APMAP: variants seen among roughly 807,000 people sequenced by gnomAD.
APMAP encodes the protein adipocyte plasma membrane-associated protein.
Under a neutral mutation model 43.6 loss-of-function variants are expected in APMAP, and 33 were observed. The observed-to-expected ratio is 0.76, with a 90% CI of 0.57 to 1.01. The LOEUF (loss-of-function observed/expected upper bound fraction) is 1.01. Ranked by LOEUF, APMAP falls within the 50% of genes least tolerant of loss-of-function variation. The pLI is 0.00. For missense variants in APMAP, 498 were observed against 540.7 expected, an observed-to-expected ratio of 0.92 and a Z score of 0.78; for synonymous variants, 224 against 216.7, an observed-to-expected ratio of 1.03 and a Z score of -0.30.
At chr20:24,976,554 G>A (rs767779103) in intron 3 of APMAP, among the ~76,000 whole-genome samples, 2 of 152,340 alleles carry the variant, frequency 1.3e-5, no homozygotes, top group South Asian at 2.1e-4. Flanking sequence ...TGCTGGCGAG[G>A]ACATGGAGCA....
chr20:24,972,367 G>C (rs1439433087), intron 4 of APMAP, among the ~76,000 whole-genome samples: 1 of 147,740 alleles, frequency 6.8e-6, no homozygotes, highest in Middle Eastern at 3.5e-3. Context: ...TTATTGCAGG[G>C]TGTTCACTGT....
At chr20:24,991,722 G>C (rs558079797) in intron 1 of APMAP, among the ~76,000 whole-genome samples, 1 of 152,188 alleles carries the variant, frequency 6.6e-6, no homozygotes, top group East Asian at 1.9e-4. Context: ...TTGGTCTATG[G>C]GGCCTCTTGA....
At chr20:24,964,946 G>A (rs987416849) in intron 8 of APMAP, among the ~76,000 whole-genome samples, 2 of 152,098 alleles carry the variant, frequency 1.3e-5, no homozygotes, top group Non-Finnish European at 2.9e-5. Flanking sequence ...CACTACCTAG[G>A]AAATGCCATC....
chr20:24,981,518 T>C (rs1319565302), intron 2 of APMAP, among the ~76,000 whole-genome samples: 1 of 152,200 alleles, frequency 6.6e-6, no homozygotes, highest in Admixed American at 6.5e-5. Flanking sequence ...CACTGCTCTC[T>C]CCCTCCCCAG....
Position 24,963,151 on chromosome 20 carries a change from C to T in APMAP, c.*662G>A, listed in dbSNP as rs2087911235. The T allele has an allele frequency of 6.6e-6, 1 of 152,432 alleles. No homozygotes were observed. Among genetic ancestry groups the T allele is most frequent in the Admixed American group, 6.5e-5 (1 of 15,292 alleles). The allele number at this position is 152,432 out of a possible 1,614,324, so 9.4% of individuals were successfully genotyped here. ...TGCAGTAGGTCCCGAATTGCAGAATCATCCAATTCCAGCATGGTCAGCACG... is the reference window on the plus strand; with the variant it reads ...TGCAGTAGGTCCCGAATTGCAGAATTATCCAATTCCAGCATGGTCAGCACG... On this transcript the variant is annotated 3_prime_UTR_variant, in exon 9 of 9. Coordinates refer to ENST00000217456, the MANE Select transcript of APMAP (RefSeq NM_020531.3).
Position 24,963,975 on chromosome 20 carries a change from G to C in APMAP, c.1089C>G (p.Leu363=), listed in dbSNP as rs145342112. 5.3e-4 allele frequency: 852 copies of C among 1,614,226 alleles called. 6 individuals are homozygous for C. In the African/African-American group the frequency reaches 0.01, roughly 19 times the overall value. Residue 363 remains leucine (L), a synonymous_variant, in exon 9 of 9, where the codon CTC becomes CTG. Transcript: ENST00000217456. ...TVMKFVPRYS[L]VLELSDSGAF... is the part of the protein sequence containing the mutation. ...CACCGCTGTCGCTGAGTTCTAGGAC[G>C]AGGCTGTACCGCGGCACAAACTTCA...
At chr20:24,992,532 A>G in intron 1 of APMAP, 62 bp downstream of exon 1, 3 of 1,372,256 alleles carry the variant, frequency 2.2e-6, no homozygotes, top group South Asian at 1.5e-5. Context: ...CCGCTGTCCA[A>G]GAGGGTCGCC....
rs770645688 is a variant in APMAP, at chr20:24,968,922, C to G, written c.1011G>C (p.Glu337Asp). Residue 337 changes from glutamate to aspartate, a missense_variant, in exon 8 of 9, where the codon GAG becomes GAC. Coordinates refer to ENST00000217456, the MANE Select transcript of APMAP (RefSeq NM_020531.3). The stretch of plus-strand genomic sequence containing the variant: ...AAATCATCCTTTTAATCCAGGGTCT[C>G]TCAGATAAGAAATCCAGCATGGAAA... ...PGFSMLDFLSERPWIKRMIFK... is the reference protein window; with the variant it reads ...PGFSMLDFLSDRPWIKRMIFK... 1.9e-6 allele frequency: 3 copies of G among 1,605,870 alleles called. No homozygotes were observed. Among genetic ancestry groups the G allele is most frequent in the Non-Finnish European group, 2.5e-6 (3 of 1,176,902 alleles).
At chr20:24,968,478 G>A (rs2087965347) in intron 8 of APMAP, among the ~76,000 whole-genome samples, 1 of 152,326 alleles carries the variant, frequency 6.6e-6, no homozygotes, top group Non-Finnish European at 1.5e-5. Context: ...AAGGGCACCT[G>A]CCGACTCTTT....
Position 24,970,352 on chromosome 20 carries a change from C to T in APMAP, c.558G>A (p.Leu186=). The T allele has an allele frequency of 6.2e-7, 1 of 1,611,212 alleles. No individual in the cohort carries two copies. Among genetic ancestry groups the T allele is most frequent in the South Asian group, 1.1e-5 (1 of 90,724 alleles). The change falls in exon 6 of 9, where the codon CTG becomes CTA. Residue 186 remains leucine (L), a synonymous_variant. Transcript: ENST00000217456. ...TCCCCTCAATGGGTGTCTCGGAGGA[C>T]AGCAGCAGTTTCACTTCACCTGAAG... The part of the protein sequence containing the change: ...NPWKREVKLL[L]SSETPIEGKN...
At chr20:24,981,620 T>A (rs995425701) in intron 2 of APMAP, among the ~76,000 whole-genome samples, 1 of 152,222 alleles carries the variant, frequency 6.6e-6, no homozygotes, top group Admixed American at 6.5e-5. Flanking sequence ...TGCTATTTTT[T>A]AATATCTCTC....
At chr20:24,979,713 T>C (rs1318575851) in intron 2 of APMAP, among the ~76,000 whole-genome samples, 3 of 152,130 alleles carry the variant, frequency 2.0e-5, no homozygotes, top group Non-Finnish European at 2.9e-5. Context: ...CCTTCCTCTA[T>C]TCAGAGCCCC....
At position 24,963,900 on chromosome 20, in the gene APMAP, G is replaced by C. The variant is rs1489940112; in HGVS notation, c.1164C>G (p.Ile388Met). The C allele has an allele frequency of 6.2e-7, 1 of 1,614,138 alleles. No homozygotes were observed. Among genetic ancestry groups the C allele is most frequent in the African/African-American group, 1.3e-5 (1 of 74,946 alleles). ...HDPDGLVATY[I>M]SEVHEHDGHL... ...GCCCATCGTGTTCGTGCACCTCGCT[G>C]ATGTAGGTGGCCACCAGCCCATCGG... Residue 388 changes from isoleucine to methionine, a missense_variant, in exon 9 of 9, where the codon ATC (isoleucine) becomes ATG (methionine). Physicochemically the swap from Ile to Met is conservative, Grantham distance 10. Transcript: ENST00000217456.
chr20:24,988,671 C>T (rs2088167606), intron 1 of APMAP, among the ~76,000 whole-genome samples: 1 of 152,184 alleles, frequency 6.6e-6, no homozygotes, highest in Admixed American at 6.5e-5. Flanking sequence ...CCTGCGAACT[C>T]TTTCATCGGT....
At position 24,969,061 on chromosome 20, in the gene APMAP, T is replaced by C. The variant is rs757438454; in HGVS notation, c.872A>G (p.Lys291Arg). Residue 291 changes from lysine (K) to arginine (R), a missense_variant, in exon 8 of 9, where the codon AAG becomes AGG. Coordinates refer to ENST00000217456, the MANE Select transcript of APMAP (RefSeq NM_020531.3). ...CTCCACAAACAGATCAGCCCCGCCC[T>C]TCATCAGGCCAGAAACGTAGACTCT... ...IRRVYVSGLM[K>R]GGADLFVENM... 8.1e-6 allele frequency: 13 copies of C among 1,607,576 alleles called. No homozygotes were observed. In the South Asian group the frequency reaches 1.4e-4, roughly 18 times the overall value.
chr20:24,969,148 C>G, intron 7 of APMAP, 64 bp from the exon 8 acceptor site: 1 of 1,455,540 alleles, frequency 6.9e-7, no homozygotes, highest in South Asian at 1.4e-5. Flanking sequence ...AAAATTTTAG[C>G]CAAGCACCAA....
chr20:24,988,228 G>A (rs1203497580), intron 1 of APMAP, among the ~76,000 whole-genome samples: 1 of 152,064 alleles, frequency 6.6e-6, no homozygotes, highest in Non-Finnish European at 1.5e-5. Flanking sequence ...CTTTTTCCTT[G>A]CCTAACATCA....
rs1375320085 is a variant in APMAP, at chr20:24,963,965, G to A, written c.1099C>T (p.Leu367Phe). Residue 367 changes from leucine to phenylalanine, a missense_variant, in exon 9 of 9, where the codon CTC (leucine) becomes TTC (phenylalanine). Coordinates refer to ENST00000217456, the MANE Select transcript of APMAP (RefSeq NM_020531.3). Reference sequence around the variant, plus strand: ...CTCCGGAAGGCACCGCTGTCGCTGAGTTCTAGGACGAGGCTGTACCGCGGC... The same window carrying A: ...CTCCGGAAGGCACCGCTGTCGCTGAATTCTAGGACGAGGCTGTACCGCGGC... Reference protein sequence around the residue: ...FVPRYSLVLELSDSGAFRRSL... With the variant: ...FVPRYSLVLEFSDSGAFRRSL... 1.2e-6 allele frequency: 2 copies of A among 1,614,130 alleles called. No individual in the cohort carries two copies. The highest frequency in any genetic ancestry group is 1.3e-5 in the African/African-American group (1 of 74,942).
chr20:24,968,696 A>G (rs1337130717), intron 8 of APMAP, among the ~76,000 whole-genome samples, 196 bp downstream of exon 8: 1 of 152,194 alleles, frequency 6.6e-6, no homozygotes, highest in East Asian at 1.9e-4. Flanking sequence ...AAACACCCAG[A>G]AAAAGGAAAA....
Sources: gnomAD v4.1 joint callset for allele counts (sites outside exome capture counted in the v4.1 genomes callset) on GRCh38, gnomAD v4.1.1 for gene constraint, MANE v1.5 for transcripts, NCBI Gene and HGNC (gene_info 2026-07-23, HGNC 2026-07-21) for gene names.